Variants in GPRC5C observed in about 807,000 individuals in gnomAD.
GPRC5C encodes G protein-coupled receptor class C group 5 member C, also known as G protein-coupled receptor family C group 5 member C.
Under a neutral mutation model 31.4 loss-of-function variants are expected in GPRC5C, and 22 were observed. The observed-to-expected ratio is 0.70, with a 90% CI of 0.50 to 1.00. The LOEUF is 1.00. GPRC5C is among the 50% of genes least tolerant of loss of function. The pLI, the probability that GPRC5C is intolerant of heterozygous loss-of-function variation, is 0.00. For missense variants in GPRC5C, 557 were observed against 597.2 expected, an observed-to-expected ratio of 0.93 and a Z score of 0.70; for synonymous variants, 249 against 257.5, an observed-to-expected ratio of 0.97 and a Z score of 0.32.
chr17:74,433,286 G>T (rs1467059094), intron 1 of GPRC5C, among the ~76,000 whole-genome samples: 1 of 152,110 alleles, frequency 6.6e-6, no homozygotes. Flanking sequence ...GAGTGCATTG[G>T]GGGGTGGGGC....
intron 1 of GPRC5C, among the ~76,000 whole-genome samples, chr17:74,438,475 G>A (rs190315270): frequency 6.6e-6 from 1 of 151,820 alleles, no homozygotes; most frequent in East Asian, 1.9e-4. Flanking sequence ...TGGCCGGGCT[G>A]GTCTCGAACT....
intron 1 of GPRC5C, chr17:74,432,606 G>A (rs1025810373): frequency 1.6e-5 from 12 of 763,888 alleles, no homozygotes; most frequent in South Asian, 5.9e-5. Flanking sequence ...GAGGCGGGGG[G>A]ACTGGACATC....
Position 74,440,464 on chromosome 17 carries a change from G to C in GPRC5C, c.688G>C (p.Ala230Pro), listed in dbSNP as rs201827593. Residue 230 changes from alanine (A) to proline (P), a missense_variant, in exon 2 of 4, where the codon GCC becomes CCC. Transcript: ENST00000392627. This position sits in a 1 kb window ranked among gnomAD's most constrained non-coding sequence, Gnocchi z 4.4. The part of the protein sequence containing the change: ...LLGAFLGAWP[A>P]LCGRYKRWRK... ...GGGTGCCTTCCTGGGGGCCTGGCCC[G>C]CCCTGTGTGGCCGCTACAAGCGCTG... 3 of 1,614,066 alleles carry C rather than the reference G, an allele frequency of 1.9e-6. No homozygotes were observed. Among genetic ancestry groups the C allele is most frequent in the East Asian group, 2.2e-5 (1 of 44,886 alleles).
chr17:74,439,384 G>C (rs1179055070), intron 1 of GPRC5C, among the ~76,000 whole-genome samples: 1 of 152,194 alleles, frequency 6.6e-6, no homozygotes, highest in Non-Finnish European at 1.5e-5. Flanking sequence ...TGGGTGGGTG[G>C]TATGCTTGGT....
At chr17:74,433,457 C>A (rs531690589) in intron 1 of GPRC5C, among the ~76,000 whole-genome samples, 2 of 152,290 alleles carry the variant, frequency 1.3e-5, no homozygotes, top group African/African-American at 4.8e-5. Context: ...ACCCACCCCC[C>A]ACCAACCTAC....
rs991435376 is a variant in GPRC5C at position 74,432,649 on chromosome 17, C to T, written c.-33+508C>T. The stretch of plus-strand genomic sequence containing the variant: ...CTGGGGACGCCGCGCCAACTCCGCT[C>T]GGTCGCTGAAAGTTTTCAAACCCGA... On this transcript the variant is annotated intron_variant, in intron 1 of 3. Coordinates refer to ENST00000392627, the MANE Select transcript of GPRC5C (RefSeq NM_022036.4). 1.1e-3 allele frequency: 259 copies of T among 242,758 alleles called. 1 individual carries two copies. Among genetic ancestry groups the T allele is most frequent in the African/African-American group, 6.7e-3 (245 of 36,498 alleles). 15.0% of individuals were successfully genotyped at this position (242,758 alleles called of 1,614,324 possible). A position where few individuals can be genotyped will look rare whatever the true frequency, so the allele number is the denominator to read the frequency against.
intron 1 of GPRC5C, chr17:74,433,779 C>A: frequency 1.3e-6 from 2 of 1,575,398 alleles, no homozygotes; most frequent in Non-Finnish European, 1.7e-6. Context: ...GTTTGGTTGG[C>A]CCTGTGACGC....
downstream of GPRC5C, chr17:74,450,447 G>A (rs2055702804): frequency 6.6e-6 from 1 of 152,242 alleles, no homozygotes; most frequent in Admixed American, 6.5e-5. Context: ...TCGTGACTGG[G>A]ACTTGTGGGA....
downstream of GPRC5C, chr17:74,449,356 A>G (rs1168686006): frequency 7.7e-7 from 1 of 1,302,210 alleles, no homozygotes; most frequent in South Asian, 1.2e-5. Flanking sequence ...ACAAAGTAAA[A>G]CGAGATGGTA....
At chr17:74,443,025 G>A (rs2055567313) in intron 2 of GPRC5C, 1 of 152,238 alleles carries the variant, frequency 6.6e-6, no homozygotes, top group African/African-American at 2.4e-5. Context: ...CCAGCACTTA[G>A]GAAACTCTAT....
chr17:74,442,432 C>G (rs928469981), intron 2 of GPRC5C, among the ~76,000 whole-genome samples: 2 of 152,190 alleles, frequency 1.3e-5, no homozygotes, highest in Non-Finnish European at 2.9e-5. Context: ...ATCCCCTTAC[C>G]GATGTGGCCC....
chr17:74,439,684 C>T, intron 1 of GPRC5C, 61 bp from the exon 2 acceptor site: 2 of 1,476,160 alleles, frequency 1.4e-6, no homozygotes, highest in Non-Finnish European at 1.8e-6. Flanking sequence ...GGAAGCAGCA[C>T]CATGTATATT....
intron 1 of GPRC5C, among the ~76,000 whole-genome samples, chr17:74,438,252 T>TATATATATATA (rs1250000838): frequency 9.3e-5 from 10 of 107,670 alleles, no homozygotes; most frequent in African/African-American, 2.1e-4. Context: ...TATATATATA[T>TATATATATATA]TTGTTGTTGT....
intron 1 of GPRC5C, among the ~76,000 whole-genome samples, chr17:74,437,208 C>T (rs1258610127): frequency 6.6e-6 from 1 of 152,156 alleles, no homozygotes; most frequent in African/African-American, 2.4e-5. Context: ...GCTGGGATTA[C>T]AGCATGAGCC....
chr17:74,449,371 C>G (rs2055688459), downstream of GPRC5C: 1 of 1,298,380 alleles, frequency 7.7e-7, no homozygotes, highest in South Asian at 1.2e-5. Context: ...ATGGTAGAAG[C>G]CCTCTTCCCG....
intron 1 of GPRC5C, among the ~76,000 whole-genome samples, chr17:74,439,489 C>T (rs2055492273): frequency 6.6e-6 from 1 of 152,166 alleles, no homozygotes. Context: ...AGGGAGGGAA[C>T]TGAAAATTCA....
At chr17:74,442,694 T>C (rs2055559529) in intron 2 of GPRC5C, among the ~76,000 whole-genome samples, 1 of 152,230 alleles carries the variant, frequency 6.6e-6, no homozygotes, top group Non-Finnish European at 1.5e-5. Flanking sequence ...TTCTACACAC[T>C]GTGAAATCCT....
chr17:74,440,501 G>A lies in GPRC5C; in HGVS notation c.725G>A (p.Gly242Glu), dbSNP rs751635613. The change falls in exon 2 of 4, where the codon GGG becomes GAG. Residue 242 changes from glycine to glutamate, a missense_variant. Gly to Glu is a moderately conservative substitution (Grantham distance 98). Transcript: ENST00000392627. The surrounding 1 kb of genome is among the most constrained non-coding windows in gnomAD (Gnocchi z 4.4). Reference sequence around the variant, plus strand: ...CGCTACAAGCGCTGGCGTAAGCATGGGGTCTTTGTGCTCCTCACCACAGCC... The same window carrying A: ...CGCTACAAGCGCTGGCGTAAGCATGAGGTCTTTGTGCTCCTCACCACAGCC... ...CGRYKRWRKH[G>E]VFVLLTTATS... 6.2e-6 allele frequency: 10 copies of A among 1,614,042 alleles called. No homozygotes were observed. In the Admixed American group the frequency reaches 1.7e-4, roughly 27 times the overall value.
Position 74,439,941 on chromosome 17 carries a change from C to T in GPRC5C, c.165C>T (p.Ala55=), listed in dbSNP as rs747444957. Residue 55 remains alanine, a synonymous_variant, in exon 2 of 4, where the codon GCC becomes GCT. Coordinates refer to ENST00000392627, the MANE Select transcript of GPRC5C (RefSeq NM_022036.4). The stretch of plus-strand genomic sequence containing the variant: ...GGGCGTGGGGCATCGTCCTGGAGGC[C>T]GTGGCTGGGGCGGGCATTGTCACCA... ...RSGAWGIVLE[A]VAGAGIVTTF... 3.2e-5 allele frequency: 51 copies of T among 1,611,304 alleles called. No individual in the cohort carries two copies. Among genetic ancestry groups the T allele is most frequent in the Non-Finnish European group, 4.0e-5 (47 of 1,180,018 alleles).
Sources: gnomAD v4.1 joint callset for allele counts (sites outside exome capture counted in the v4.1 genomes callset) on GRCh38, gnomAD v4.1.1 for gene constraint, Gnocchi (gnomAD v3.1) non-coding constraint, MANE v1.5 for transcripts, NCBI Gene and HGNC (gene_info 2026-07-23, HGNC 2026-07-21) for gene names.